RBBP6: variants seen among roughly 807,000 people sequenced by gnomAD.
The protein encoded by RBBP6 is RB binding protein 6, ubiquitin ligase.
Under a neutral mutation model 167.7 loss-of-function variants are expected in RBBP6, and 25 were observed. The observed-to-expected ratio is 0.15, with a 90% CI of 0.11 to 0.21. RBBP6 has a LOEUF of 0.21. RBBP6 is among the 10% of genes least tolerant of loss of function. The pLI is 1.00. For synonymous variants in RBBP6, 789 were observed against 735.8 expected (o/e 1.07, Z -1.17); for missense variants, 1,868 against 2,134.2 (o/e 0.88, Z 2.46).
chr16:24,560,118 T>C (rs573727931), intron 8 of RBBP6, among the ~76,000 whole-genome samples: 2 of 149,616 alleles, frequency 1.3e-5, no homozygotes, highest in Non-Finnish European at 3.0e-5. Context: ...TTTGTTTTTT[T>C]TTTTTTTTTT....
intron 3 of RBBP6, among the ~76,000 whole-genome samples, chr16:24,551,816 G>T (rs1898803392): frequency 6.6e-6 from 1 of 151,580 alleles, no homozygotes; most frequent in African/African-American, 2.4e-5. Flanking sequence ...TGTTTTATTG[G>T]TTAGAATGTA....
intron 7 of RBBP6, 88 bp downstream of exon 7, chr16:24,556,535 T>G: frequency 7.2e-7 from 1 of 1,395,320 alleles, no homozygotes; most frequent in Non-Finnish European, 9.5e-7. Flanking sequence ...ACTTTGCTAC[T>G]TGGATTCCTT....
intron 2 of RBBP6, among the ~76,000 whole-genome samples, chr16:24,546,656 G>T (rs1456821329): frequency 6.6e-6 from 1 of 152,154 alleles, no homozygotes; most frequent in East Asian, 1.9e-4. Flanking sequence ...AGAGTATTCA[G>T]TAATGCTAAC....
At chr16:24,549,804 G>C (rs1898752633) in intron 3 of RBBP6, among the ~76,000 whole-genome samples, 1 of 151,936 alleles carries the variant, frequency 6.6e-6, no homozygotes, top group African/African-American at 2.4e-5. Flanking sequence ...ATACTAAAAT[G>C]CTGCGTTAAT....
intron 14 of RBBP6, among the ~76,000 whole-genome samples, chr16:24,566,480 G>A (rs758623349): frequency 6.6e-6 from 1 of 152,204 alleles, no homozygotes; most frequent in Non-Finnish European, 1.5e-5. Flanking sequence ...GGGGCCAGGT[G>A]TGGTGGCTCT....
rs557290585 is a variant in RBBP6 at position 24,562,120 on chromosome 16, A to T, written c.1248A>T (p.Val416=). The T allele has an allele frequency of 3.7e-6, 6 of 1,613,194 alleles. No homozygotes were observed. Among genetic ancestry groups the T allele is most frequent in the African/African-American group, 1.3e-5 (1 of 74,936 alleles). Residue 416 remains valine, a synonymous_variant, in exon 10 of 18, where the codon GTA becomes GTT. Coordinates refer to ENST00000319715, the MANE Select transcript of RBBP6 (RefSeq NM_006910.5). ...CTGTACCTGATATAACTGCAACAGT[A>T]TCCATATCAGTTCATTCAGAAAAAT... ...PAPVPDITAT[V]SISVHSEKSD...
chr16:24,543,292 C>CT (rs200408370), intron 1 of RBBP6, among the ~76,000 whole-genome samples: 9,628 of 126,148 alleles, frequency 0.076, 509 homozygotes, highest in South Asian at 0.27. Flanking sequence ...TCCCTTAAAT[C>CT]TTTTTTTTTT....
chr16:24,546,052 G>A (rs572113210), intron 1 of RBBP6, 111 bp from the exon 2 acceptor site: 296 of 1,417,338 alleles, frequency 2.1e-4, no homozygotes, highest in Non-Finnish European at 2.6e-4. Flanking sequence ...GGAACTTGTA[G>A]TTATTATATT....
chr16:24,555,535 A>G (rs1898892979), intron 4 of RBBP6, 80 bp from the exon 5 acceptor site: 1 of 1,065,812 alleles, frequency 9.4e-7, no homozygotes, highest in Admixed American at 2.1e-5. Flanking sequence ...TGCTCTTTAC[A>G]GGATGAGTGG....
At chr16:24,560,297 G>A (rs1373371391) in intron 8 of RBBP6, among the ~76,000 whole-genome samples, 1 of 151,966 alleles carries the variant, frequency 6.6e-6, no homozygotes, top group Non-Finnish European at 1.5e-5. Flanking sequence ...TAGTAGAGAC[G>A]GGGTTTCACT....
At chr16:24,562,286 G>A in intron 10 of RBBP6, 125 bp downstream of exon 10, 1 of 895,434 alleles carries the variant, frequency 1.1e-6, no homozygotes, top group South Asian at 1.7e-5. Context: ...GGGATGACTT[G>A]TAAGAAGTGA....
At chr16:24,566,435 G>T (rs1315356127) in intron 14 of RBBP6, among the ~76,000 whole-genome samples, 13 of 152,148 alleles carry the variant, frequency 8.5e-5, no homozygotes. Flanking sequence ...CAAAAAAGAG[G>T]TTACAGGAGT....
rs1899075439 is a variant in RBBP6, at chr16:24,562,115, A to G, written c.1243A>G (p.Thr415Ala). The G allele has an allele frequency of 1.9e-6, 3 of 1,613,396 alleles. No individual in the cohort carries two copies. Among genetic ancestry groups the G allele is most frequent in the East Asian group, 2.2e-5 (1 of 44,886 alleles). Reference protein sequence around the residue: ...APAPVPDITATVSISVHSEKS... With the variant: ...APAPVPDITAAVSISVHSEKS... ...AGCTCCTGTACCTGATATAACTGCAACAGTATCCATATCAGTTCATTCAGA... is the reference window on the plus strand; with the variant it reads ...AGCTCCTGTACCTGATATAACTGCAGCAGTATCCATATCAGTTCATTCAGA... The change falls in exon 10 of 18, where the codon ACA becomes GCA. Residue 415 changes from threonine to alanine, a missense_variant. Transcript: ENST00000319715.
At chr16:24,540,837 T>TA (rs1898466808) in intron 1 of RBBP6, 45 bp downstream of exon 1, 2 of 1,584,760 alleles carry the variant, frequency 1.3e-6, no homozygotes, top group African/African-American at 1.4e-5. Flanking sequence ...TGGAGAGAGA[T>TA]ACTAGCTAGA....
chr16:24,543,309 T>C (rs892911296), intron 1 of RBBP6, among the ~76,000 whole-genome samples: 5 of 149,602 alleles, frequency 3.3e-5, no homozygotes, highest in Admixed American at 2.7e-4. Flanking sequence ...TTTTTTTTTT[T>C]TGGAGACACA....
intron 8 of RBBP6, 110 bp from the exon 9 acceptor site, chr16:24,561,502 T>G: frequency 1.1e-6 from 1 of 902,126 alleles, no homozygotes; most frequent in South Asian, 1.6e-5. Context: ...CACGACATGC[T>G]TGGAAAACAG....
intron 17 of RBBP6, 118 bp from the exon 18 acceptor site, chr16:24,570,758 T>G: frequency 1.0e-6 from 1 of 960,668 alleles, no homozygotes; most frequent in Non-Finnish European, 1.4e-6. Flanking sequence ...ATAAGTTTTT[T>G]GTTTTTTTTA....
intron 7 of RBBP6, among the ~76,000 whole-genome samples, chr16:24,557,329 G>C (rs1301518483): frequency 2.0e-5 from 3 of 152,018 alleles, no homozygotes; most frequent in Non-Finnish European, 4.4e-5. Flanking sequence ...TTATGAACCA[G>C]TTTTTAATGA....
At chr16:24,553,916 A>G (rs1290835299) in intron 4 of RBBP6, 1 of 160,666 alleles carries the variant, frequency 6.2e-6, no homozygotes, top group Non-Finnish European at 1.4e-5. Flanking sequence ...CAGCCAAAAC[A>G]GAAGATTTCC....
Sources: allele counts gnomAD v4.1 joint callset (sites outside exome capture counted in the v4.1 genomes callset), GRCh38; gene constraint gnomAD v4.1.1; transcripts MANE v1.5; gene names NCBI Gene and HGNC (gene_info 2026-07-23, HGNC 2026-07-21).